The following MDGA2 variants were observed in gnomAD, a reference collection of about 807,000 sequenced individuals.
MDGA2 encodes the protein MAM domain-containing glycosylphosphatidylinositol anchor protein 2.
Under a neutral mutation model 117.8 loss-of-function variants are expected in MDGA2, and 40 were observed. The ratio of observed to expected loss-of-function variants is 0.34; its 90% CI spans 0.26 to 0.44. MDGA2 has a LOEUF of 0.44. Among genes scored for constraint, MDGA2 ranks in the 20% least tolerant of loss-of-function variants. MDGA2 has a pLI of 1.00. For missense variants in MDGA2, 1,123 were observed against 1,250.6 expected, an observed-to-expected ratio of 0.90 and a Z score of 1.54; for synonymous variants, 452 against 439.0, an observed-to-expected ratio of 1.03 and a Z score of -0.37.
At chr14:47,287,978 G>A (rs910884169) in intron 2 of MDGA2, among the ~76,000 whole-genome samples, 1 of 152,164 alleles carries the variant, frequency 6.6e-6, no homozygotes, top group African/African-American at 2.4e-5. Context: ...AAGAGGCAAG[G>A]AAGGATTCTA....
intron 1 of MDGA2, among the ~76,000 whole-genome samples, chr14:47,331,869 G>A (rs978675961): frequency 2.0e-5 from 3 of 151,766 alleles, no homozygotes; most frequent in South Asian, 2.1e-4. Context: ...AGTCCTTTTC[G>A]ATAATTGTCC....
At chr14:47,110,249 C>A (rs933564785) in intron 5 of MDGA2, among the ~76,000 whole-genome samples, 2 of 151,730 alleles carry the variant, frequency 1.3e-5, no homozygotes, top group African/African-American at 4.8e-5. Context: ...TTTTAATAAA[C>A]CATGTAACTC....
At chr14:47,519,709 T>G (rs1894829557) in intron 1 of MDGA2, among the ~76,000 whole-genome samples, 1 of 152,190 alleles carries the variant, frequency 6.6e-6, no homozygotes, top group Non-Finnish European at 1.5e-5. Context: ...GGAGTCATCT[T>G]TTCATTTGGA....
At chr14:47,003,471 A>G (rs1200535074) in intron 8 of MDGA2, among the ~76,000 whole-genome samples, 1 of 152,120 alleles carries the variant, frequency 6.6e-6, no homozygotes, top group African/African-American at 2.4e-5. Flanking sequence ...ACCCTCCAGG[A>G]CTTAGTATGG....
chr14:47,400,095 A>G (rs776170740), intron 1 of MDGA2, among the ~76,000 whole-genome samples: 21 of 152,224 alleles, frequency 1.4e-4, no homozygotes, highest in Non-Finnish European at 2.8e-4. Context: ...AACAGAAAAA[A>G]AATTCAAGGT....
At chr14:46,886,112 A>C (rs1034013932) in intron 10 of MDGA2, among the ~76,000 whole-genome samples, 6 of 152,168 alleles carry the variant, frequency 3.9e-5, no homozygotes, top group African/African-American at 1.4e-4. Context: ...ATTGTCTTTC[A>C]AACATGTGTC....
At chr14:47,176,540 A>T (rs1249017928) in intron 3 of MDGA2, among the ~76,000 whole-genome samples, 1 of 152,244 alleles carries the variant, frequency 6.6e-6, no homozygotes, top group African/African-American at 2.4e-5. Flanking sequence ...GAGAAAAACA[A>T]GCAATGGAGA....
At chr14:46,899,009 T>C (rs1354402792) in intron 10 of MDGA2, among the ~76,000 whole-genome samples, 6 of 151,872 alleles carry the variant, frequency 4.0e-5, no homozygotes, top group Non-Finnish European at 7.4e-5. Context: ...ACTATAAAAT[T>C]AGAGGGAGAT....
At chr14:47,535,526 C>T (rs1895192532) in intron 1 of MDGA2, among the ~76,000 whole-genome samples, 1 of 152,152 alleles carries the variant, frequency 6.6e-6, no homozygotes, top group Non-Finnish European at 1.5e-5. Flanking sequence ...AGACTACAGG[C>T]CAGGGTTTAG....
chr14:47,301,694 C>A, intron 1 of MDGA2, 144 bp from the exon 2 acceptor site: 1 of 780,618 alleles, frequency 1.3e-6, no homozygotes, highest in Non-Finnish European at 2.0e-6. Context: ...AACACCTCCC[C>A]AAGGCATTAA....
chr14:46,914,337 GA>G (rs1883821412), intron 10 of MDGA2, among the ~76,000 whole-genome samples: 1 of 151,986 alleles, frequency 6.6e-6, no homozygotes, highest in Non-Finnish European at 1.5e-5. Context: ...ACTTTGTTAG[GA>G]CATAAAGATT....
At chr14:47,489,913 G>T (rs1403264406) in intron 1 of MDGA2, among the ~76,000 whole-genome samples, 1 of 151,958 alleles carries the variant, frequency 6.6e-6, no homozygotes, top group Non-Finnish European at 1.5e-5. Context: ...TGAAAACAAG[G>T]TTACTCTCAA....
chr14:46,980,118 T>C (rs1247873805), intron 8 of MDGA2, among the ~76,000 whole-genome samples: 2 of 152,308 alleles, frequency 1.3e-5, no homozygotes, highest in Non-Finnish European at 2.9e-5. Flanking sequence ...TTAAGAATTA[T>C]GCTAAATCAA....
chr14:47,489,567 T>C (rs1894127382), intron 1 of MDGA2, among the ~76,000 whole-genome samples: 1 of 151,984 alleles, frequency 6.6e-6, no homozygotes, highest in South Asian at 2.1e-4. Context: ...AAGAAGCAAA[T>C]GGCACTGATA....
chr14:47,300,778 C>G (rs575682834), intron 2 of MDGA2, among the ~76,000 whole-genome samples: 2 of 152,020 alleles, frequency 1.3e-5, no homozygotes, highest in South Asian at 2.1e-4. Flanking sequence ...AGGTTGTAAG[C>G]GTGAGCCACC....
At chr14:47,470,614 C>T (rs898880599) in intron 1 of MDGA2, among the ~76,000 whole-genome samples, 1 of 152,014 alleles carries the variant, frequency 6.6e-6, no homozygotes, top group Non-Finnish European at 1.5e-5. Context: ...GATTTATAAT[C>T]CTTTGGATAT....
At chr14:47,411,925 C>G (rs929375269) in intron 1 of MDGA2, among the ~76,000 whole-genome samples, 4 of 152,166 alleles carry the variant, frequency 2.6e-5, no homozygotes, top group African/African-American at 9.7e-5. Context: ...TAACAATTCA[C>G]AAAGACATTG....
intron 1 of MDGA2, among the ~76,000 whole-genome samples, chr14:47,443,076 G>A (rs1160059280): frequency 6.6e-6 from 1 of 152,118 alleles, no homozygotes; most frequent in Non-Finnish European, 1.5e-5. Context: ...ATGCCATAAA[G>A]TACTTTCTTT....
chr14:46,859,657 T>C (rs987432650), intron 14 of MDGA2, among the ~76,000 whole-genome samples: 4 of 152,264 alleles, frequency 2.6e-5, no homozygotes, highest in Admixed American at 1.3e-4. Context: ...TTTTGGTCTA[T>C]TCTCTAAAAA....
Sources: gnomAD v4.1 joint callset for allele counts (sites outside exome capture counted in the v4.1 genomes callset) on GRCh38, gnomAD v4.1.1 for gene constraint, MANE v1.5 for transcripts, NCBI Gene and HGNC (gene_info 2026-07-23, HGNC 2026-07-21) for gene names.